Variants in SPHKAP observed in about 807,000 individuals in gnomAD.
The protein encoded by SPHKAP is A-kinase anchor protein SPHKAP.
In SPHKAP, 67 loss-of-function variants were observed where a neutral mutation model predicts 137.5. The observed-to-expected ratio is 0.49, with a 90% CI of 0.40 to 0.60. The LOEUF is 0.60. Among genes scored for constraint, SPHKAP ranks in the 20% least tolerant of loss-of-function variants. SPHKAP has a pLI of 0.00. For synonymous variants in SPHKAP, 813 were observed against 785.3 expected (o/e 1.04, Z -0.59); for missense variants, 2,097 against 2,069.3 (o/e 1.01, Z -0.26).
intron 1 of SPHKAP, among the ~76,000 whole-genome samples, chr2:228,139,226 G>A (rs1218311340): frequency 1.3e-5 from 2 of 152,014 alleles, no homozygotes; most frequent in East Asian, 1.9e-4. Context: ...TTCAACAATA[G>A]CCAATATAAT....
chr2:228,102,243 ACCTTTTT>A (rs1440412486), intron 3 of SPHKAP, among the ~76,000 whole-genome samples: 1 of 134,302 alleles, frequency 7.4e-6, no homozygotes, highest in Non-Finnish European at 1.6e-5. Context: ...TACATTGCTT[ACCTTTTT>A]TTTTTAAACA....
chr2:228,074,411 A>T (rs190586054), intron 3 of SPHKAP, among the ~76,000 whole-genome samples: 1 of 152,332 alleles, frequency 6.6e-6, no homozygotes, highest in East Asian at 1.9e-4. Flanking sequence ...CCTCACAATT[A>T]TGGCGGAAGG....
rs181822875 is a variant in SPHKAP, at chr2:228,161,829, C to T, written c.32+19738G>A. Among the ~76,000 whole-genome samples the T allele has an allele frequency of 1.5e-3, 235 of 152,314 alleles. 1 individual carries two copies. The highest frequency in any genetic ancestry group is 5.5e-3 in the African/African-American group (230 of 41,558). On this transcript the variant is annotated intron_variant, in intron 1 of 11. Transcript: ENST00000392056. ...AAATGTTTGTTTGTTTTTGCCACCT[C>T]GGACTCCAAGCTTTTATGTCCTATT... is the stretch of plus-strand genomic sequence containing the variant.
chr2:228,063,178 G>A (rs4441461), intron 3 of SPHKAP, among the ~76,000 whole-genome samples: 29,152 of 92,060 alleles, frequency 0.32, 3,071 homozygotes, highest in East Asian at 0.53. Context: ...CTATCTATCT[G>A]TCTGTCTGTC....
intron 3 of SPHKAP, among the ~76,000 whole-genome samples, chr2:228,084,695 C>T (rs1168014750): frequency 2.6e-5 from 4 of 152,288 alleles, no homozygotes; most frequent in African/African-American, 7.2e-5. Context: ...AAATTAATTT[C>T]CCCTTTTGTT....
intron 7 of SPHKAP, among the ~76,000 whole-genome samples, chr2:228,003,224 G>A (rs1351229374): frequency 6.6e-6 from 1 of 152,172 alleles, no homozygotes; most frequent in East Asian, 1.9e-4. Context: ...CCATTTGTTT[G>A]TGTCCTCTTT....
chr2:228,074,004 C>T (rs968414855), intron 3 of SPHKAP, among the ~76,000 whole-genome samples: 1 of 152,038 alleles, frequency 6.6e-6, no homozygotes, highest in African/African-American at 2.4e-5. Context: ...ATGTAGAAAA[C>T]AATAAATTGA....
chr2:228,019,796 A>C lies in SPHKAP; in HGVS notation c.1058T>G (p.Val353Gly), dbSNP rs1694764299. Residue 353 changes from valine to glycine, a missense_variant, in exon 7 of 12, where the codon GTA (valine) becomes GGA (glycine). Coordinates refer to ENST00000392056, the MANE Select transcript of SPHKAP (RefSeq NM_001142644.2). Reference sequence around the variant, plus strand: ...CTCTGCCACAGCACATGCAGAAGGTACATCTTTATCCATCATGGAGAAATA... The same window carrying C: ...CTCTGCCACAGCACATGCAGAAGGTCCATCTTTATCCATCATGGAGAAATA... The part of the protein sequence containing the change: ...DAYFSMMDKD[V>G]PSACAVAEQR... 1.2e-6 allele frequency: 2 copies of C among 1,613,986 alleles called. No individual in the cohort carries two copies. Among genetic ancestry groups the C allele is most frequent in the Non-Finnish European group, 1.7e-6 (2 of 1,180,012 alleles).
At chr2:227,995,986 G>A (rs571501271) in intron 7 of SPHKAP, 2 of 985,336 alleles carry the variant, frequency 2.0e-6, no homozygotes, top group South Asian at 9.4e-5. Context: ...AAGAATTATT[G>A]AGGGACAATG....
intron 3 of SPHKAP, among the ~76,000 whole-genome samples, chr2:228,064,500 A>C (rs13419055): frequency 0.36 from 54,318 of 152,044 alleles, 9,966 homozygotes; most frequent in South Asian, 0.5. Context: ...GTATTATGTT[A>C]AGTATTTTCA....
rs186414860 is a variant in SPHKAP, at chr2:228,001,042, G to A, written c.4449-5348C>T. On this transcript the variant is annotated intron_variant, in intron 7 of 11. Coordinates refer to ENST00000392056, the MANE Select transcript of SPHKAP (RefSeq NM_001142644.2). The stretch of plus-strand genomic sequence containing the variant: ...TTTCTGTTGCTCCACATCTTTGCCA[G>A]CATCTGGTTTTGTCAGTATTTTGAA... Among the ~76,000 whole-genome samples the A allele has an allele frequency of 2.5e-4, 38 of 152,068 alleles. 2 individuals carry two copies. Among genetic ancestry groups the A allele is most frequent in the Admixed American group, 2.2e-3 (33 of 15,252 alleles).
At chr2:228,070,363 G>A (rs61576369) in intron 3 of SPHKAP, among the ~76,000 whole-genome samples, 2,694 of 152,274 alleles carry the variant, frequency 0.018, 80 homozygotes, top group African/African-American at 0.061. Context: ...TAGAGGAGGC[G>A]GAAGGGGAGG....
intron 1 of SPHKAP, among the ~76,000 whole-genome samples, chr2:228,143,052 ATTC>A (rs1467371906): frequency 2.0e-5 from 3 of 152,112 alleles, no homozygotes; most frequent in Admixed American, 2.0e-4. Flanking sequence ...TCAATTTGTT[ATTC>A]TTAATTAAAA....
chr2:228,002,950 A>C (rs1182302080), intron 7 of SPHKAP, among the ~76,000 whole-genome samples: 1 of 151,968 alleles, frequency 6.6e-6, no homozygotes, highest in Admixed American at 6.6e-5. Flanking sequence ...TACCAGTACC[A>C]TGCTGTTTTG....
chr2:228,066,639 G>T (rs1696836163), intron 3 of SPHKAP, among the ~76,000 whole-genome samples: 1 of 152,136 alleles, frequency 6.6e-6, no homozygotes, highest in Non-Finnish European at 1.5e-5. Context: ...CAGGGCCCAG[G>T]GCTGTAATGA....
At chr2:228,170,892 G>T (rs530840623) in intron 1 of SPHKAP, among the ~76,000 whole-genome samples, 5 of 151,938 alleles carry the variant, frequency 3.3e-5, no homozygotes, top group African/African-American at 1.2e-4. Context: ...GCAATAAAGC[G>T]GAAAAACACA....
chr2:228,109,100 C>A (rs1365384016), intron 2 of SPHKAP, among the ~76,000 whole-genome samples, 161 bp from the exon 3 acceptor site: 3 of 151,856 alleles, frequency 2.0e-5, no homozygotes, highest in Non-Finnish European at 4.4e-5. Flanking sequence ...GATAGCACCT[C>A]TAAAATGTAT....
chr2:228,027,603 G>C (rs1231177390), intron 3 of SPHKAP, 60 bp from the exon 4 acceptor site: 1 of 1,543,242 alleles, frequency 6.5e-7, no homozygotes, highest in Non-Finnish European at 8.9e-7. Context: ...CTTTTTAGAA[G>C]AAAGAAAGCA....
At chr2:228,113,588 T>G (rs1287248537) in intron 2 of SPHKAP, among the ~76,000 whole-genome samples, 1 of 149,828 alleles carries the variant, frequency 6.7e-6, no homozygotes, top group Non-Finnish European at 1.5e-5. Flanking sequence ...CAAATCCCAG[T>G]CTATGCATTT....
Sources: allele counts gnomAD v4.1 joint callset (sites outside exome capture counted in the v4.1 genomes callset), GRCh38; gene constraint gnomAD v4.1.1; transcripts MANE v1.5; gene names NCBI Gene and HGNC (gene_info 2026-07-23, HGNC 2026-07-21).